LRP1B: variants seen among roughly 807,000 people sequenced by gnomAD.
The protein encoded by LRP1B is low-density lipoprotein receptor-related protein 1B.
A neutral mutation model predicts 556.6 loss-of-function variants in LRP1B; 217 were observed. That is an observed-to-expected ratio of 0.39 (90% CI 0.35 to 0.44). The LOEUF (loss-of-function observed/expected upper bound fraction) is 0.44, where lower values mean the gene tolerates loss of function less well. Ranked by LOEUF, LRP1B falls within the 20% of genes least tolerant of loss-of-function variation. The pLI is 1.00. For missense variants in LRP1B, 5,053 were observed against 5,620.8 expected, an observed-to-expected ratio of 0.90 and a Z score of 3.23; for synonymous variants, 2,047 against 1,865.8, an observed-to-expected ratio of 1.10 and a Z score of -2.50.
At chr2:142,022,726 C>T (rs1025482406) in intron 1 of LRP1B, among the ~76,000 whole-genome samples, 2 of 151,910 alleles carry the variant, frequency 1.3e-5, no homozygotes, top group Admixed American at 6.6e-5. Context: ...GCTGGAGTGC[C>T]GTGGCACCAT....
chr2:141,997,691 C>G (rs72853654), intron 1 of LRP1B, among the ~76,000 whole-genome samples: 32,468 of 147,826 alleles, frequency 0.22, 4,204 homozygotes, highest in East Asian at 0.32. Context: ...TTTTTTTTCT[C>G]TCTTAGGATC....
At chr2:140,536,310 T>TA in intron 46 of LRP1B, among the ~76,000 whole-genome samples, 1 of 36,696 alleles carries the variant, frequency 2.7e-5, no homozygotes, top group Non-Finnish European at 5.1e-5. Flanking sequence ...CCCCGTCTCT[T>TA]TAAAAAAAAA....
chr2:141,440,601 T>G (rs761548527), intron 3 of LRP1B, among the ~76,000 whole-genome samples: 1 of 152,208 alleles, frequency 6.6e-6, no homozygotes, highest in Non-Finnish European at 1.5e-5. Context: ...TGCTGTAACA[T>G]TTACTTCTAC....
chr2:141,825,524 T>C lies in LRP1B; in HGVS notation c.83-15123A>G, dbSNP rs569085036. On this transcript the variant is annotated intron_variant, in intron 1 of 90. Coordinates refer to ENST00000389484, the MANE Select transcript of LRP1B (RefSeq NM_018557.3). ...ACAGTGATTTTCCTAGGCTGGTTACTTTTTTTGTAGATGTATATCAAAACC... is the reference window on the plus strand; with the variant it reads ...ACAGTGATTTTCCTAGGCTGGTTACCTTTTTTGTAGATGTATATCAAAACC... Among the ~76,000 whole-genome samples the C allele has an allele frequency of 2.6e-5, 4 of 152,332 alleles. No individual in the cohort carries two copies. The South Asian group carries it at 8.3e-4, about 32-fold the overall frequency.
At chr2:142,017,744 G>A (rs374193092) in intron 1 of LRP1B, among the ~76,000 whole-genome samples, 255 of 152,074 alleles carry the variant, frequency 1.7e-3, no homozygotes, top group African/African-American at 5.8e-3. Context: ...AAACTTAGCC[G>A]GGCGTGGTGG....
At chr2:141,946,788 C>G (rs773175949) in intron 1 of LRP1B, among the ~76,000 whole-genome samples, 1 of 152,026 alleles carries the variant, frequency 6.6e-6, no homozygotes, top group Non-Finnish European at 1.5e-5. Context: ...CTGTATCTCA[C>G]CGACATTATT....
chr2:140,442,438 A>T, intron 66 of LRP1B, 66 bp downstream of exon 66: 1 of 1,552,834 alleles, frequency 6.4e-7, no homozygotes, highest in Non-Finnish European at 8.7e-7. Context: ...AAATTTGTTT[A>T]ACTGTGGTTG....
intron 81 of LRP1B, among the ~76,000 whole-genome samples, chr2:140,323,160 CAGCATCTTGA>C (rs1179900733): frequency 2.0e-4 from 31 of 152,028 alleles, no homozygotes; most frequent in Non-Finnish European, 1.5e-5. Flanking sequence ...AACCCTTCAA[CAGCATCTTGA>C]AGAGCGAACT....
chr2:141,156,920 G>A (rs1024606066), intron 7 of LRP1B, among the ~76,000 whole-genome samples: 8 of 152,088 alleles, frequency 5.3e-5, no homozygotes, highest in Admixed American at 4.6e-4. Context: ...TAATTTTGGG[G>A]TGGTAAAAAT....
chr2:140,588,387 C>G (rs1182412462), intron 43 of LRP1B, among the ~76,000 whole-genome samples: 1 of 152,164 alleles, frequency 6.6e-6, no homozygotes, highest in Non-Finnish European at 1.5e-5. Context: ...TGAATATATA[C>G]TGCAGTACCT....
At chr2:141,799,790 T>C (rs1258837183) in intron 2 of LRP1B, among the ~76,000 whole-genome samples, 1 of 128,362 alleles carries the variant, frequency 7.8e-6, no homozygotes, top group Non-Finnish European at 1.7e-5. Flanking sequence ...TTTAACAATC[T>C]GTTTTTAAAG....
chr2:141,183,965 G>A (rs982392385), intron 7 of LRP1B, among the ~76,000 whole-genome samples: 1 of 151,966 alleles, frequency 6.6e-6, no homozygotes, highest in Non-Finnish European at 1.5e-5. Flanking sequence ...CACTCATAGT[G>A]AAATGCACTC....
chr2:140,312,195 C>A (rs1281301320), intron 83 of LRP1B, among the ~76,000 whole-genome samples: 3 of 151,966 alleles, frequency 2.0e-5, no homozygotes, highest in African/African-American at 7.2e-5. Flanking sequence ...CACCATATCC[C>A]AAATTGCACT....
chr2:141,224,032 T>C (rs569763792), intron 6 of LRP1B, among the ~76,000 whole-genome samples: 1 of 152,282 alleles, frequency 6.6e-6, no homozygotes, highest in East Asian at 1.9e-4. Flanking sequence ...AATTGACGAA[T>C]GAGATCTAAT....
chr2:141,503,375 G>A (rs1206778903), intron 2 of LRP1B, among the ~76,000 whole-genome samples: 1 of 151,210 alleles, frequency 6.6e-6, no homozygotes, highest in East Asian at 1.9e-4. Context: ...AACTACTTCT[G>A]ATATTCCACT....
intron 41 of LRP1B, among the ~76,000 whole-genome samples, chr2:140,604,429 T>C (rs1445536031): frequency 6.6e-6 from 1 of 152,020 alleles, no homozygotes; most frequent in Non-Finnish European, 1.5e-5. Flanking sequence ...ATAGCCATGA[T>C]AGGGAAATTG....
At chr2:140,831,163 A>G (rs1691700558) in intron 31 of LRP1B, among the ~76,000 whole-genome samples, 1 of 152,280 alleles carries the variant, frequency 6.6e-6, no homozygotes, top group Admixed American at 6.5e-5. Context: ...TGCAATCTCT[A>G]TCAAGAAACC....
intron 2 of LRP1B, among the ~76,000 whole-genome samples, chr2:141,756,396 T>C (rs1694319398): frequency 6.6e-6 from 1 of 152,112 alleles, no homozygotes; most frequent in Admixed American, 6.6e-5. Context: ...TCAACAGGAA[T>C]TAAGTCCAAT....
At chr2:140,703,548 G>C (rs1181364587) in intron 37 of LRP1B, among the ~76,000 whole-genome samples, 1 of 152,078 alleles carries the variant, frequency 6.6e-6, no homozygotes, top group Non-Finnish European at 1.5e-5. Flanking sequence ...TAAAAAATAT[G>C]GGAAGCATTG....
Sources: gnomAD v4.1 joint callset for allele counts (sites outside exome capture counted in the v4.1 genomes callset) on GRCh38, gnomAD v4.1.1 for gene constraint, MANE v1.5 for transcripts, NCBI Gene and HGNC (gene_info 2026-07-23, HGNC 2026-07-21) for gene names.